PBX1: variants seen among roughly 807,000 people sequenced by gnomAD.
The protein encoded by PBX1 is PBX homeobox 1.
Under a neutral mutation model 53.4 loss-of-function variants are expected in PBX1, and 6 were observed. That is an observed-to-expected ratio of 0.11 (90% CI 0.06 to 0.22). The LOEUF is 0.22. Ranked by LOEUF, PBX1 falls within the 10% of genes least tolerant of loss-of-function variation. The probability of loss-of-function intolerance (pLI) is 1.00; values close to 1 mark genes in which losing one functional copy is unlikely to be tolerated. For missense variants in PBX1, 251 were observed against 551.4 expected, an observed-to-expected ratio of 0.46 and a Z score of 5.46; for synonymous variants, 204 against 212.3, an observed-to-expected ratio of 0.96 and a Z score of 0.34.
intron 2 of PBX1, among the ~76,000 whole-genome samples, chr1:164,743,115 G>GTGCCT (rs1459730627): frequency 6.6e-6 from 1 of 152,198 alleles, no homozygotes; most frequent in African/African-American, 2.4e-5. Context: ...CCTAAAGGGG[G>GTGCCT]TGCCTGTAGT....
At position 164,559,696 on chromosome 1, in the gene PBX1, C is replaced by A. The variant is rs975286908; in HGVS notation, c.-127C>A. 2.5e-5 allele frequency: 10 copies of A among 403,810 alleles called. No individual in the cohort carries two copies. In the Admixed American group the frequency reaches 2.7e-4, roughly 11 times the overall value. 25.0% of individuals were successfully genotyped at this position (403,810 alleles called of 1,614,324 possible). ...TTTTTTTCTTTTGGTCTTCTTTTTT[C>A]CCCCTTCCCTGTTTATCCTGAAAAG... On this transcript the variant is annotated 5_prime_UTR_variant, in exon 1 of 9. Coordinates refer to ENST00000420696, the MANE Select transcript of PBX1 (RefSeq NM_002585.4).
At chr1:164,634,128 A>T (rs1411910714) in intron 2 of PBX1, among the ~76,000 whole-genome samples, 1 of 152,160 alleles carries the variant, frequency 6.6e-6, no homozygotes, top group Non-Finnish European at 1.5e-5. Context: ...CTGGACCTGC[A>T]CAGTGTAAGG....
At chr1:164,790,025 A>C (rs574459827) in intron 2 of PBX1, among the ~76,000 whole-genome samples, 8 of 152,066 alleles carry the variant, frequency 5.3e-5, no homozygotes, top group South Asian at 4.1e-4. Flanking sequence ...AAGGCTATTA[A>C]AATTTATCAT....
chr1:164,654,092 T>C (rs1660004388), intron 2 of PBX1, among the ~76,000 whole-genome samples: 2 of 152,196 alleles, frequency 1.3e-5, no homozygotes, highest in Non-Finnish European at 2.9e-5. Flanking sequence ...GACTAGAAAT[T>C]GCTGGCAGAT....
At chr1:164,769,629 T>C (rs574445065) in intron 2 of PBX1, among the ~76,000 whole-genome samples, 2 of 152,260 alleles carry the variant, frequency 1.3e-5, no homozygotes, top group African/African-American at 4.8e-5. Context: ...GAGTTGGAAA[T>C]CTAGGGAGCA....
chr1:164,850,569 T>C lies in PBX1; in HGVS notation c.*3893T>C, dbSNP rs1038026995. ...TCTTGCTGTTTTTCTTCAATATGTATACAAGGTGATGTGAAAAGATGACTT... is the reference window on the plus strand; with the variant it reads ...TCTTGCTGTTTTTCTTCAATATGTACACAAGGTGATGTGAAAAGATGACTT... On this transcript the variant is annotated 3_prime_UTR_variant, in exon 9 of 9. Transcript: ENST00000420696. The C allele has an allele frequency of 5.7e-5, 11 of 192,058 alleles. No individual in the cohort carries two copies. Among genetic ancestry groups the C allele is most frequent in the Non-Finnish European group, 1.1e-4 (10 of 91,886 alleles). 11.9% of individuals were successfully genotyped at this position (192,058 alleles called of 1,614,324 possible).
rs749999220 is a variant in PBX1 at position 164,851,528 on chromosome 1, ATTAC to A, written c.*4855_*4858del. The A allele has an allele frequency of 2.3e-4, 43 of 186,542 alleles. No homozygotes were observed. The highest frequency in any genetic ancestry group is 3.7e-4 in the Admixed American group (6 of 16,122). 11.6% of individuals were successfully genotyped at this position (186,542 alleles called of 1,614,324 possible). A position where few individuals can be genotyped will look rare whatever the true frequency, so the allele number is the denominator to read the frequency against. On this transcript the variant is annotated 3_prime_UTR_variant, in exon 9 of 9. Transcript: ENST00000420696. ...CAATGTTTTTCTCCTTTTCTCTCTT[ATTAC>A]TTCTTTCCTTTGGCATTTTCAATTT... is the stretch of plus-strand genomic sequence containing the variant.
intron 2 of PBX1, among the ~76,000 whole-genome samples, chr1:164,659,650 C>T (rs932660129): frequency 6.6e-6 from 1 of 152,188 alleles, no homozygotes; most frequent in Non-Finnish European, 1.5e-5. Context: ...CTGCCTCCCC[C>T]TTCACACATC....
chr1:164,833,292 G>T (rs749818888), intron 8 of PBX1, among the ~76,000 whole-genome samples: 1 of 152,052 alleles, frequency 6.6e-6, no homozygotes, highest in Non-Finnish European at 1.5e-5. Flanking sequence ...TGATTTTTGC[G>T]GTTGAAAAAC....
chr1:164,563,139 A>C, intron 1 of PBX1, 99 bp from the exon 2 acceptor site: 1 of 773,338 alleles, frequency 1.3e-6, no homozygotes, highest in Non-Finnish European at 2.2e-6. Context: ...GGTTGGGTAT[A>C]TAATTTTGTC....
intron 2 of PBX1, among the ~76,000 whole-genome samples, chr1:164,762,343 G>A (rs781102468): frequency 6.6e-6 from 1 of 152,144 alleles, no homozygotes; most frequent in Non-Finnish European, 1.5e-5. Flanking sequence ...GTTCTTTTCC[G>A]ATGCAATTTG....
intron 2 of PBX1, among the ~76,000 whole-genome samples, chr1:164,725,436 G>T (rs1166754487): frequency 1.3e-5 from 2 of 152,026 alleles, no homozygotes. Flanking sequence ...AGGGCCTCCC[G>T]TGTAACCATG....
chr1:164,824,293 A>G (rs1470522208), intron 8 of PBX1, among the ~76,000 whole-genome samples: 1 of 152,180 alleles, frequency 6.6e-6, no homozygotes, highest in Non-Finnish European at 1.5e-5. Context: ...CGGTGGTAGG[A>G]GTATTATAAA....
chr1:164,864,083 C>G (rs1256510628), intron 2 of PBX1, among the ~76,000 whole-genome samples: 1 of 152,144 alleles, frequency 6.6e-6, no homozygotes, highest in Admixed American at 6.5e-5. Flanking sequence ...GTGATATTAT[C>G]AAGTTATGTT....
chr1:164,677,286 G>A (rs958170306), intron 2 of PBX1, among the ~76,000 whole-genome samples: 6 of 151,076 alleles, frequency 4.0e-5, no homozygotes, highest in African/African-American at 1.5e-4. Context: ...TAGAGACGGG[G>A]TTTCACCTTG....
At chr1:164,809,688 G>T (rs1669514954) in intron 5 of PBX1, among the ~76,000 whole-genome samples, 2 of 152,112 alleles carry the variant, frequency 1.3e-5, no homozygotes, top group African/African-American at 4.8e-5. Flanking sequence ...TTTTTTTGAA[G>T]TCACAAATTC....
intron 2 of PBX1, among the ~76,000 whole-genome samples, chr1:164,786,718 T>C (rs772401318): frequency 0.036 from 3,592 of 100,046 alleles, 71 homozygotes; most frequent in East Asian, 0.061. Context: ...TGTGTGTGTG[T>C]GTGCGCGCGC....
At chr1:164,616,007 C>T (rs1057036640) in intron 2 of PBX1, among the ~76,000 whole-genome samples, 1 of 152,158 alleles carries the variant, frequency 6.6e-6, no homozygotes, top group Non-Finnish European at 1.5e-5. Context: ...ATGGAAATGC[C>T]TTTCACTGGG....
At chr1:164,802,895 G>A (rs532043171) in intron 4 of PBX1, among the ~76,000 whole-genome samples, 1 of 152,090 alleles carries the variant, frequency 6.6e-6, no homozygotes, top group Non-Finnish European at 1.5e-5. Context: ...TTAAAAGAGG[G>A]AGAGAACTTA....
Sources: allele counts gnomAD v4.1 joint callset (sites outside exome capture counted in the v4.1 genomes callset), GRCh38; gene constraint gnomAD v4.1.1; transcripts MANE v1.5; gene names NCBI Gene and HGNC (gene_info 2026-07-23, HGNC 2026-07-21).